Variants in RNF2 observed in about 807,000 individuals in gnomAD.
RNF2 encodes the protein ring finger protein 2, also known as E3 ubiquitin-protein ligase RING2.
Under a neutral mutation model 37.2 loss-of-function variants are expected in RNF2, and 6 were observed. The observed-to-expected ratio is 0.16, with a 90% CI of 0.09 to 0.32. The LOEUF is 0.32. RNF2 is among the 10% of genes least tolerant of loss of function. The pLI is 1.00. For missense variants in RNF2, 251 were observed against 404.0 expected (o/e 0.62, Z 3.25); for synonymous variants, 133 against 132.7 (o/e 1.00, Z -0.02).
In RNF2 at chr1:185,088,382, C is replaced by A. The variant is rs184617626; in HGVS notation, c.87+742C>A. On this transcript the variant is annotated intron_variant, in intron 2 of 6. Transcript: ENST00000367510. ...AGGAAGCCTTACCAACATGGAGAAA[C>A]CCCGTCTCTACTGAAAATACAAAAT... Among the ~76,000 whole-genome samples the A allele has an allele frequency of 1.1e-4, 16 of 152,054 alleles. No individual in the cohort carries two copies. In the East Asian group the frequency reaches 2.7e-3, roughly 26 times the overall value.
At chr1:185,068,186 A>G (rs1650857790) in intron 1 of RNF2, among the ~76,000 whole-genome samples, 1 of 152,218 alleles carries the variant, frequency 6.6e-6, no homozygotes, top group African/African-American at 2.4e-5. Flanking sequence ...CAAATTAAGG[A>G]AACAGCATGT....
intron 4 of RNF2, among the ~76,000 whole-genome samples, chr1:185,095,711 A>G (rs1417520554): frequency 6.6e-6 from 1 of 152,218 alleles, no homozygotes; most frequent in Non-Finnish European, 1.5e-5. Flanking sequence ...ATTGAATTAA[A>G]ATTAGTCTCT....
intron 1 of RNF2, among the ~76,000 whole-genome samples, chr1:185,057,469 G>T (rs1418901814): frequency 6.6e-6 from 1 of 151,996 alleles, no homozygotes; most frequent in Non-Finnish European, 1.5e-5. Context: ...TTGTATTTAT[G>T]TTCATGATAA....
intron 1 of RNF2, among the ~76,000 whole-genome samples, chr1:185,074,607 G>GA (rs906136842): frequency 4.3e-4 from 64 of 149,098 alleles, no homozygotes; most frequent in Middle Eastern, 6.9e-3. Context: ...CAAATACAAA[G>GA]AAAAAAAAAG....
At chr1:185,051,391 G>A in intron 1 of RNF2, among the ~76,000 whole-genome samples, 1 of 152,060 alleles carries the variant, frequency 6.6e-6, no homozygotes, top group African/African-American at 2.4e-5. Flanking sequence ...GCCTTTCTGA[G>A]TCTCTTTTCT....
intron 1 of RNF2, among the ~76,000 whole-genome samples, chr1:185,081,357 T>C (rs1651343535): frequency 1.3e-5 from 2 of 151,900 alleles, no homozygotes. Flanking sequence ...GTCCGATGAC[T>C]ATGGTGGGTG....
intron 1 of RNF2, among the ~76,000 whole-genome samples, chr1:185,072,916 G>A (rs1193374956): frequency 1.3e-5 from 2 of 152,150 alleles, no homozygotes; most frequent in South Asian, 4.1e-4. Flanking sequence ...CTCCAGTCTG[G>A]GCAACAGAAT....
chr1:185,057,269 C>G (rs1298517791), intron 1 of RNF2, among the ~76,000 whole-genome samples: 1 of 152,144 alleles, frequency 6.6e-6, no homozygotes, highest in Non-Finnish European at 1.5e-5. Flanking sequence ...CATGATCACA[C>G]TGTTTCACTC....
intron 1 of RNF2, among the ~76,000 whole-genome samples, chr1:185,053,945 C>G (rs148966197): frequency 1.4e-4 from 21 of 152,176 alleles, no homozygotes; most frequent in African/African-American, 5.1e-4. Context: ...GTTAGTAACC[C>G]GGATTGAATG....
At chr1:185,087,771 T>C in intron 2 of RNF2, 131 bp downstream of exon 2, 1 of 683,224 alleles carries the variant, frequency 1.5e-6, no homozygotes, top group South Asian at 1.8e-5. Context: ...CTTCTGTATG[T>C]TGGCTAACAC....
At chr1:185,099,207 C>T (rs1376242179) in intron 5 of RNF2, among the ~76,000 whole-genome samples, 1 of 151,866 alleles carries the variant, frequency 6.6e-6, no homozygotes, top group Non-Finnish European at 1.5e-5. Flanking sequence ...ACCACAACAC[C>T]TGGCTAATTT....
At chr1:185,076,296 TTTTTTTTTTTTTG>T (rs1651160910) in intron 1 of RNF2, among the ~76,000 whole-genome samples, 1 of 81,200 alleles carries the variant, frequency 1.2e-5, no homozygotes, top group African/African-American at 5.0e-5. Flanking sequence ...TTTTTTTTTT[TTTTTTTTTTTTTG>T]AGACAGAGTC....
At chr1:185,075,141 C>G (rs554510526) in intron 1 of RNF2, among the ~76,000 whole-genome samples, 4 of 152,150 alleles carry the variant, frequency 2.6e-5, no homozygotes, top group Non-Finnish European at 5.9e-5. Flanking sequence ...TTACAGGCAC[C>G]CATCACCACA....
chr1:185,079,079 CTT>C (rs58085875), intron 1 of RNF2, among the ~76,000 whole-genome samples: 2 of 130,378 alleles, frequency 1.5e-5, no homozygotes. Flanking sequence ...TAGATCTTTT[CTT>C]TTTTTTTTTT....
intron 1 of RNF2, among the ~76,000 whole-genome samples, chr1:185,075,289 G>C (rs1252046824): frequency 6.6e-6 from 1 of 152,014 alleles, no homozygotes; most frequent in African/African-American, 2.4e-5. Context: ...CTACTGTATT[G>C]TGTATTTCTT....
At chr1:185,051,367 T>C (rs1650267551) in intron 1 of RNF2, among the ~76,000 whole-genome samples, 1 of 152,206 alleles carries the variant, frequency 6.6e-6, no homozygotes. Flanking sequence ...GTTCCACTAC[T>C]AGCAAGATTC....
chr1:185,091,981 GT>G (rs373704731), intron 3 of RNF2: 11,247 of 233,982 alleles, frequency 0.048, no homozygotes, highest in Middle Eastern at 0.091. Context: ...TGGCCGGCTA[GT>G]TTTTTTTTTT....
At chr1:185,065,762 C>CG in intron 1 of RNF2, among the ~76,000 whole-genome samples, 1 of 152,270 alleles carries the variant, frequency 6.6e-6, no homozygotes, top group Middle Eastern at 3.4e-3. Context: ...TTGAAGTCAG[C>CG]GAGAGCAAGA....
intron 4 of RNF2, among the ~76,000 whole-genome samples, chr1:185,097,411 T>C (rs1019347305): frequency 6.6e-6 from 1 of 152,258 alleles, no homozygotes; most frequent in African/African-American, 2.4e-5. Context: ...GGCATAAATA[T>C]CTTCCCTAAG....
Sources: allele counts gnomAD v4.1 joint callset (sites outside exome capture counted in the v4.1 genomes callset), GRCh38; gene constraint gnomAD v4.1.1; transcripts MANE v1.5; gene names NCBI Gene and HGNC (gene_info 2026-07-23, HGNC 2026-07-21).